The following TRAPPC10 variants were observed in gnomAD, a reference collection of about 807,000 sequenced individuals.
The protein encoded by TRAPPC10 is TRAPP 130 kDa subunit.
A neutral mutation model predicts 125.5 loss-of-function variants in TRAPPC10; 23 were observed. The observed-to-expected ratio is 0.18, with a 90% CI of 0.13 to 0.26. TRAPPC10 has a LOEUF of 0.26. Among genes scored for constraint, TRAPPC10 ranks in the 10% least tolerant of loss-of-function variants. The pLI is 1.00. For synonymous variants in TRAPPC10, 509 were observed against 518.0 expected (o/e 0.98, Z 0.24); for missense variants, 1,123 against 1,308.4 (o/e 0.86, Z 2.19).
chr21:44,046,878 T>C, intron 3 of TRAPPC10: 1 of 792,410 alleles, frequency 1.3e-6, no homozygotes, highest in Non-Finnish European at 2.2e-6. Context: ...AGGATGGCTG[T>C]GTTGTACACA....
intron 14 of TRAPPC10, 39 bp from the exon 15 acceptor site, chr21:44,084,083 G>A: frequency 6.2e-7 from 1 of 1,611,970 alleles, no homozygotes; most frequent in Non-Finnish European, 8.5e-7. Context: ...CTGCAAAACT[G>A]GGTGACGTGG....
chr21:44,018,132 G>A (rs1323497697), intron 1 of TRAPPC10, among the ~76,000 whole-genome samples: 1 of 144,674 alleles, frequency 6.9e-6, no homozygotes, highest in Admixed American at 6.8e-5. Context: ...GAAATGGAAA[G>A]GTCTGATTTT....
intron 3 of TRAPPC10, among the ~76,000 whole-genome samples, chr21:44,043,549 TAAAATAA>T (rs2034566638): frequency 6.6e-6 from 1 of 152,210 alleles, no homozygotes; most frequent in Non-Finnish European, 1.5e-5. Flanking sequence ...ATCTTTCTTT[TAAAATAA>T]ACCTTGTGGC....
chr21:44,055,963 C>T, intron 5 of TRAPPC10, 70 bp downstream of exon 5: 5 of 1,354,358 alleles, frequency 3.7e-6, no homozygotes, highest in Non-Finnish European at 4.0e-6. Context: ...CCTCTCTCCT[C>T]CTTTCTTTCT....
intron 15 of TRAPPC10, among the ~76,000 whole-genome samples, chr21:44,085,427 G>C (rs1239087565): frequency 6.6e-6 from 1 of 152,186 alleles, no homozygotes; most frequent in African/African-American, 2.4e-5. Context: ...ATTTAGTTAG[G>C]ATCTATACTC....
chr21:44,030,111 C>T (rs948777935), intron 1 of TRAPPC10, among the ~76,000 whole-genome samples: 6 of 152,186 alleles, frequency 3.9e-5, no homozygotes, highest in Admixed American at 6.5e-5. Flanking sequence ...TCTTACTGTA[C>T]GGCAGGGTTC....
At position 44,082,844 on chromosome 21, in the gene TRAPPC10, G is replaced by A. The variant is rs774199642; in HGVS notation, c.1780G>A (p.Asp594Asn). Residue 594 changes from aspartate to asparagine, a missense_variant, in exon 14 of 23, where the codon GAT becomes AAT. Asp to Asn is a conservative substitution (Grantham distance 23). Coordinates refer to ENST00000291574, the MANE Select transcript of TRAPPC10 (RefSeq NM_003274.5). This position sits in a 1 kb window ranked among gnomAD's most constrained non-coding sequence, Gnocchi z 4.4. ...TGCACAACTGCGAGATCTCCATTTT[G>A]ATCCCTCCAATGCCGTGGTCCACGT... ...SFAQLRDLHF[D>N]PSNAVVHVGG... 6.2e-6 allele frequency: 10 copies of A among 1,614,126 alleles called. No individual in the cohort carries two copies. The highest frequency in any genetic ancestry group is 8.5e-6 in the Non-Finnish European group (10 of 1,180,028).
At chr21:44,081,569 T>C (rs947167408) in intron 13 of TRAPPC10, among the ~76,000 whole-genome samples, 2 of 152,186 alleles carry the variant, frequency 1.3e-5, no homozygotes, top group African/African-American at 4.8e-5. Context: ...CCCAGATGCT[T>C]GTAAGTGAAT....
At chr21:44,035,047 C>T (rs1468207184) in intron 2 of TRAPPC10, among the ~76,000 whole-genome samples, 5 of 152,238 alleles carry the variant, frequency 3.3e-5, no homozygotes, top group Non-Finnish European at 1.5e-5. Flanking sequence ...GAAACTCATG[C>T]AGGAGGGCAG....
At chr21:44,083,700 T>A (rs1017587629) in intron 14 of TRAPPC10, among the ~76,000 whole-genome samples, 2 of 152,130 alleles carry the variant, frequency 1.3e-5, no homozygotes, top group Non-Finnish European at 1.5e-5. Context: ...TCAAAACTGG[T>A]GTTTCTCACC....
chr21:44,065,689 C>T (rs1318643908), intron 7 of TRAPPC10, among the ~76,000 whole-genome samples: 2 of 152,144 alleles, frequency 1.3e-5, no homozygotes, highest in African/African-American at 2.4e-5. Flanking sequence ...CTGTGCCTGT[C>T]GGCTTCCCAG....
chr21:44,027,196 A>G (rs1009103191), intron 1 of TRAPPC10, among the ~76,000 whole-genome samples: 2 of 152,140 alleles, frequency 1.3e-5, no homozygotes, highest in Non-Finnish European at 2.9e-5. Flanking sequence ...TTTTTTTTCC[A>G]ACATAAATCT....
chr21:44,088,287 C>T, intron 17 of TRAPPC10: 1 of 254,024 alleles, frequency 3.9e-6, no homozygotes, highest in East Asian at 8.7e-5. Flanking sequence ...CGGTGTCTGT[C>T]CACTGAAACT....
chr21:44,088,013 C>A, intron 17 of TRAPPC10, 85 bp downstream of exon 17: 1 of 1,186,228 alleles, frequency 8.4e-7, no homozygotes, highest in Non-Finnish European at 1.2e-6. Context: ...GCGATGCCTG[C>A]TGTTAGCCTG....
intron 1 of TRAPPC10, among the ~76,000 whole-genome samples, chr21:44,015,287 A>G (rs988016308): frequency 1.3e-5 from 2 of 152,226 alleles, no homozygotes; most frequent in Non-Finnish European, 2.9e-5. Flanking sequence ...AAGAATATAG[A>G]ATGTAACTGG....
At chr21:44,045,786 G>T (rs971552631) in intron 3 of TRAPPC10, among the ~76,000 whole-genome samples, 1 of 151,948 alleles carries the variant, frequency 6.6e-6, no homozygotes, top group Admixed American at 6.6e-5. Context: ...TCGAGCTCCC[G>T]ACCTTCTGAT....
At position 44,063,883 on chromosome 21, in the gene TRAPPC10, A is replaced by G. The variant is rs1420232227; in HGVS notation, c.1038+98A>G. ...AGGCATTGAACTGTTTGTGCTTAAG[A>G]AAGGGTTTTCTTTTCTGAATGCCTT... On this transcript the variant is annotated intron_variant, in intron 7 of 22. Transcript: ENST00000291574. This position sits in a 1 kb window ranked among gnomAD's most constrained non-coding sequence, Gnocchi z 4.4. The G allele has an allele frequency of 2.7e-6, 4 of 1,487,602 alleles. No homozygotes were observed. The highest frequency in any genetic ancestry group is 4.6e-5 in the East Asian group (2 of 43,896). The allele number at this position is 1,487,602 out of a possible 1,614,324, so 92.2% of individuals were successfully genotyped here.
intron 12 of TRAPPC10, 113 bp downstream of exon 12, chr21:44,079,817 TTATACA>T (rs1321924185): frequency 2.5e-6 from 3 of 1,211,472 alleles, no homozygotes; most frequent in Non-Finnish European, 1.2e-6. Flanking sequence ...AAGTCCTAAC[TTATACA>T]TATGTATTGT....
At chr21:44,038,466 T>C (rs1375729585) in intron 3 of TRAPPC10, among the ~76,000 whole-genome samples, 1 of 151,910 alleles carries the variant, frequency 6.6e-6, no homozygotes, top group African/African-American at 2.4e-5. Flanking sequence ...GACCATGTCC[T>C]TCCTCCCTGT....
Sources: allele counts gnomAD v4.1 joint callset (sites outside exome capture counted in the v4.1 genomes callset), GRCh38; gene constraint gnomAD v4.1.1; non-coding constraint Gnocchi (gnomAD v3.1); transcripts MANE v1.5; gene names NCBI Gene and HGNC (gene_info 2026-07-23, HGNC 2026-07-21).